MZT1: variants seen among roughly 807,000 people sequenced by gnomAD.
MZT1 encodes mitotic-spindle organizing protein 1.
In MZT1, 8 loss-of-function variants were observed where a neutral mutation model predicts 8.5. That is an observed-to-expected ratio of 0.94 (90% CI 0.55 to 1.70). The LOEUF is 1.70. MZT1 is among the 40% of genes most tolerant of loss of function. The pLI is 0.00. For synonymous variants in MZT1, 38 were observed against 42.0 expected (o/e 0.90, Z 0.37); for missense variants, 93 against 108.6 (o/e 0.86, Z 0.64).
At chr13:72,714,451 A>C (rs1044283390) in intron 2 of MZT1, among the ~76,000 whole-genome samples, 4 of 152,022 alleles carry the variant, frequency 2.6e-5, no homozygotes, top group Non-Finnish European at 5.9e-5. Context: ...CTGCAAAGCA[A>C]CCACTTGCTA....
At position 72,709,912 on chromosome 13, in the gene MZT1, A is replaced by C. The variant is rs1432428644; in HGVS notation, c.*410T>G. On this transcript the variant is annotated 3_prime_UTR_variant, in exon 3 of 3. Coordinates refer to ENST00000377818, the MANE Select transcript of MZT1 (RefSeq NM_001071775.3). The stretch of plus-strand genomic sequence containing the variant: ...TATAATGCATAAACAATTCAAAATT[A>C]AAGTTTATAATGGAAATGTCAACAA... 1 of 159,902 alleles carries C rather than the reference A, an allele frequency of 6.3e-6. No individual in the cohort carries two copies. The highest frequency in any genetic ancestry group is 1.8e-4 in the East Asian group (1 of 5,580). 9.9% of individuals were successfully genotyped at this position (159,902 alleles called of 1,614,324 possible).
At chr13:72,723,128 C>A (rs1358187968) in intron 1 of MZT1, among the ~76,000 whole-genome samples, 1 of 151,678 alleles carries the variant, frequency 6.6e-6, no homozygotes, top group Admixed American at 6.6e-5. Context: ...TCATGGTAGA[C>A]CCCCCCACGT....
At chr13:72,721,912 T>G (rs2032596783) in intron 1 of MZT1, among the ~76,000 whole-genome samples, 1 of 152,268 alleles carries the variant, frequency 6.6e-6, no homozygotes, top group African/African-American at 2.4e-5. Context: ...ACTTTGCTCT[T>G]CAGCTGTATC....
At position 72,724,752 on chromosome 13, in the gene MZT1, A is replaced by ATATATATATGTGTG. The variant is rs1180726488; in HGVS notation, c.79+2771_79+2772insCACACATATATATA. ...TATATATATATATACACATATATATATGTAAAGTGGTGCTACAGGCCGGGC... is the reference window on the plus strand; with the variant it reads ...TATATATATATATACACATATATATATATATATATGTGTGTGTAAAGTGGTGCTACAGGCCGGGC... On this transcript the variant is annotated intron_variant, in intron 1 of 2. Transcript: ENST00000377818. 3.2e-3 allele frequency among the ~76,000 whole-genome samples: 181 copies of ATATATATATGTGTG among 56,858 alleles called. 34 individuals carry two copies. Among genetic ancestry groups the ATATATATATGTGTG allele is most frequent in the Non-Finnish European group, 4.6e-3 (124 of 26,818 alleles). The allele number at this position is 56,858 out of a possible 152,430, so 37.3% of individuals were successfully genotyped here. A position where few individuals can be genotyped will look rare whatever the true frequency, so the allele number is the denominator to read the frequency against.
intron 2 of MZT1, among the ~76,000 whole-genome samples, chr13:72,713,535 G>A (rs573244737): frequency 3.9e-5 from 6 of 152,258 alleles, no homozygotes; most frequent in African/African-American, 1.2e-4. Flanking sequence ...CGATGTAAAC[G>A]CTATGTAAAT....
chr13:72,716,427 AG>A (rs2032535847), intron 2 of MZT1, among the ~76,000 whole-genome samples: 1 of 152,192 alleles, frequency 6.6e-6, no homozygotes, highest in African/African-American at 2.4e-5. Flanking sequence ...CTTTTTAGTT[AG>A]ATTTAATAAT....
chr13:72,722,947 A>G (rs1486780145), intron 1 of MZT1, among the ~76,000 whole-genome samples: 1 of 152,158 alleles, frequency 6.6e-6, no homozygotes, highest in East Asian at 1.9e-4. Context: ...GACTGTCTTC[A>G]CAAATGGATT....
chr13:72,714,105 A>G (rs1273085757), intron 2 of MZT1, among the ~76,000 whole-genome samples: 1 of 151,878 alleles, frequency 6.6e-6, no homozygotes, highest in African/African-American at 2.4e-5. Context: ...TTCCCATGAC[A>G]GTCTCCGAGG....
At chr13:72,721,890 C>A (rs2032596658) in intron 1 of MZT1, among the ~76,000 whole-genome samples, 1 of 152,194 alleles carries the variant, frequency 6.6e-6, no homozygotes, top group Admixed American at 6.5e-5. Context: ...TTTGATATTC[C>A]AATTTACTGA....
At chr13:72,721,505 A>G (rs2032593835) in intron 1 of MZT1, among the ~76,000 whole-genome samples, 1 of 152,192 alleles carries the variant, frequency 6.6e-6, no homozygotes, top group African/African-American at 2.4e-5. Flanking sequence ...GGACACTTCT[A>G]CAGATCTCCA....
At position 72,722,417 on chromosome 13, in the gene MZT1, C is replaced by T. The variant is rs572881969; in HGVS notation, c.80-3320G>A. ...CGGTAGGGCTCAATAAAAAAGAGTT[C>T]CCTGTTACTACCACTTTCCCTCTTT... On this transcript the variant is annotated intron_variant, in intron 1 of 2. Coordinates refer to ENST00000377818, the MANE Select transcript of MZT1 (RefSeq NM_001071775.3). 5.9e-5 allele frequency among the ~76,000 whole-genome samples: 9 copies of T among 152,268 alleles called. No homozygotes were observed. The South Asian group carries it at 1.9e-3, about 32-fold the overall frequency.
intron 1 of MZT1, among the ~76,000 whole-genome samples, chr13:72,722,273 A>C (rs972585697): frequency 6.6e-6 from 1 of 152,182 alleles, no homozygotes; most frequent in African/African-American, 2.4e-5. Flanking sequence ...CTCGAAAGTG[A>C]GGATAATAAG....
At chr13:72,718,778 C>T (rs143170753) in intron 2 of MZT1, among the ~76,000 whole-genome samples, 174 bp downstream of exon 2, 89 of 152,188 alleles carry the variant, frequency 5.8e-4, no homozygotes, top group Middle Eastern at 6.8e-3. Context: ...TGCGCCCGGC[C>T]TAGTAGTAGT....
chr13:72,727,166 G>A (rs1164971002), intron 1 of MZT1, among the ~76,000 whole-genome samples: 5 of 152,364 alleles, frequency 3.3e-5, no homozygotes, highest in South Asian at 2.1e-4. Flanking sequence ...ACGCAGGAGG[G>A]AACGGGTGTA....
At chr13:72,724,862 G>T (rs1189100794) in intron 1 of MZT1, among the ~76,000 whole-genome samples, 1 of 147,632 alleles carries the variant, frequency 6.8e-6, no homozygotes, top group Non-Finnish European at 1.5e-5. Context: ...GACCAGACTG[G>T]CCAACATGGT....
chr13:72,710,366 T>A (rs768102320), intron 2 of MZT1, 21 bp from the exon 3 acceptor site: 4 of 1,612,212 alleles, frequency 2.5e-6, no homozygotes, highest in Admixed American at 1.7e-5. Context: ...AAAGTAAGAT[T>A]CATTACAATA....
At chr13:72,715,007 G>T (rs1178085219) in intron 2 of MZT1, among the ~76,000 whole-genome samples, 3 of 152,168 alleles carry the variant, frequency 2.0e-5, no homozygotes, top group Admixed American at 2.0e-4. Flanking sequence ...CCCCAGAATG[G>T]TAGATCCACT....
intron 1 of MZT1, among the ~76,000 whole-genome samples, chr13:72,726,814 C>T (rs915180875): frequency 6.7e-6 from 1 of 149,910 alleles, no homozygotes; most frequent in Non-Finnish European, 1.5e-5. Flanking sequence ...ACCACAGGGG[C>T]ATAAAGTGGC....
In MZT1 at chr13:72,711,703, C is replaced by CAAA. The variant is rs11436288; in HGVS notation, c.226-1361_226-1359dup. 6.4e-3 allele frequency among the ~76,000 whole-genome samples: 934 copies of CAAA among 145,680 alleles called. 8 individuals are homozygous for CAAA. The highest frequency in any genetic ancestry group is 0.017 in the African/African-American group (677 of 39,576). The stretch of plus-strand genomic sequence containing the variant: ...TAATTTTAAAACTGAAAGAAATTAA[C>CAAA]AAAAAAAAAAAATGAGAAAAAAATT... On this transcript the variant is annotated intron_variant, in intron 2 of 2. Coordinates refer to ENST00000377818, the MANE Select transcript of MZT1 (RefSeq NM_001071775.3).
Sources: allele counts gnomAD v4.1 joint callset (sites outside exome capture counted in the v4.1 genomes callset), GRCh38; gene constraint gnomAD v4.1.1; transcripts MANE v1.5; gene names NCBI Gene and HGNC (gene_info 2026-07-23, HGNC 2026-07-21).